The following ARHGAP26 variants were observed in gnomAD, a reference collection of about 807,000 sequenced individuals.
ARHGAP26 encodes the protein Rho GTPase activating protein 26.
In ARHGAP26, 38 loss-of-function variants were observed where a neutral mutation model predicts 104.8. That is an observed-to-expected ratio of 0.36 (90% CI 0.28 to 0.48). The LOEUF is 0.48. Ranked by LOEUF, ARHGAP26 falls within the 20% of genes least tolerant of loss-of-function variation. ARHGAP26 has a pLI of 0.99. For missense variants in ARHGAP26, 704 were observed against 947.9 expected, an observed-to-expected ratio of 0.74 and a Z score of 3.38; for synonymous variants, 341 against 340.0, an observed-to-expected ratio of 1.00 and a Z score of -0.03.
chr5:142,952,458 C>G (rs1768544955), intron 11 of ARHGAP26, among the ~76,000 whole-genome samples: 1 of 152,148 alleles, frequency 6.6e-6, no homozygotes, highest in African/African-American at 2.4e-5. Flanking sequence ...CTCATTCCCC[C>G]TCAACATCCT....
chr5:142,796,764 T>C (rs1375077601), intron 1 of ARHGAP26, among the ~76,000 whole-genome samples: 1 of 152,242 alleles, frequency 6.6e-6, no homozygotes, highest in African/African-American at 2.4e-5. Context: ...TTTGATTTTT[T>C]CTAATGGATA....
intron 11 of ARHGAP26, among the ~76,000 whole-genome samples, chr5:142,954,037 G>T (rs938834260): frequency 6.6e-6 from 1 of 152,164 alleles, no homozygotes; most frequent in Non-Finnish European, 1.5e-5. Flanking sequence ...TATATGGCAC[G>T]CAAGTATGCT....
chr5:143,123,353 AAGG>A (rs1174949772), intron 18 of ARHGAP26, among the ~76,000 whole-genome samples: 1 of 152,262 alleles, frequency 6.6e-6, no homozygotes, highest in Admixed American at 6.5e-5. Context: ...GGTATGAAGT[AAGG>A]AGATGCTCCC....
At chr5:143,192,092 G>A (rs1226667609) in intron 20 of ARHGAP26, among the ~76,000 whole-genome samples, 1 of 152,190 alleles carries the variant, frequency 6.6e-6, no homozygotes, top group African/African-American at 2.4e-5. Context: ...TCAGTTCTAA[G>A]CATTCACAGT....
intron 18 of ARHGAP26, among the ~76,000 whole-genome samples, chr5:143,133,354 G>GGT (rs908202587): frequency 5.3e-5 from 8 of 151,840 alleles, no homozygotes; most frequent in South Asian, 2.1e-4. Flanking sequence ...TACGTGTGTG[G>GGT]GTGTGTGTGT....
chr5:142,821,208 T>C (rs1044934929), intron 1 of ARHGAP26, among the ~76,000 whole-genome samples: 2 of 151,700 alleles, frequency 1.3e-5, no homozygotes, highest in Admixed American at 1.3e-4. Context: ...TACTCACACA[T>C]GGGCCAAAGT....
chr5:142,847,874 C>T (rs1772344028), intron 1 of ARHGAP26, among the ~76,000 whole-genome samples: 2 of 152,180 alleles, frequency 1.3e-5, no homozygotes, highest in African/African-American at 4.8e-5. Flanking sequence ...GTGGAGTGAA[C>T]ATCAGGGAAG....
intron 20 of ARHGAP26, among the ~76,000 whole-genome samples, chr5:143,190,030 G>C (rs994061737): frequency 9.3e-5 from 8 of 85,914 alleles, no homozygotes; most frequent in African/African-American, 6.7e-4. Flanking sequence ...CAGAAGGAGG[G>C]GGGGGAAAAA....
At chr5:143,019,217 A>G (rs1396293169) in intron 12 of ARHGAP26, among the ~76,000 whole-genome samples, 1 of 152,176 alleles carries the variant, frequency 6.6e-6, no homozygotes, top group African/African-American at 2.4e-5. Flanking sequence ...AAGGGGAAAA[A>G]GGGAGTATTG....
At chr5:143,102,784 C>T (rs1186417937) in intron 17 of ARHGAP26, among the ~76,000 whole-genome samples, 4 of 152,236 alleles carry the variant, frequency 2.6e-5, no homozygotes. Context: ...CCTCCTCCTT[C>T]TCCTTATCAT....
At chr5:142,840,382 A>G (rs187568837) in intron 1 of ARHGAP26, among the ~76,000 whole-genome samples, 13 of 152,346 alleles carry the variant, frequency 8.5e-5, no homozygotes, top group Admixed American at 5.2e-4. Context: ...TAGGAAATAA[A>G]TCCTTAGTCT....
intron 11 of ARHGAP26, among the ~76,000 whole-genome samples, chr5:143,012,252 T>C (rs1778855779): frequency 6.6e-6 from 1 of 151,690 alleles, no homozygotes; most frequent in African/African-American, 2.4e-5. Context: ...AATGGGATGA[T>C]TTGTTATATT....
intron 14 of ARHGAP26, among the ~76,000 whole-genome samples, chr5:143,049,571 A>T (rs912863636): frequency 2.3e-4 from 35 of 152,044 alleles, no homozygotes; most frequent in African/African-American, 8.2e-4. Context: ...TGGTCTCTGT[A>T]TTTTTTGCCA....
intron 5 of ARHGAP26, among the ~76,000 whole-genome samples, chr5:142,887,889 A>G (rs1757948812): frequency 6.6e-6 from 1 of 152,038 alleles, no homozygotes; most frequent in Non-Finnish European, 1.5e-5. Flanking sequence ...TACTTGAACC[A>G]GGGAGGCGGA....
intron 17 of ARHGAP26, among the ~76,000 whole-genome samples, chr5:143,117,519 A>G (rs1446005105): frequency 6.6e-6 from 1 of 152,232 alleles, no homozygotes; most frequent in Non-Finnish European, 1.5e-5. Context: ...ATGGTCATTA[A>G]TAATGAAAGG....
At chr5:142,859,076 T>C (rs776861975) in intron 1 of ARHGAP26, among the ~76,000 whole-genome samples, 6 of 151,620 alleles carry the variant, frequency 4.0e-5, no homozygotes, top group Non-Finnish European at 8.8e-5. Context: ...TTATTTTGAG[T>C]GGGGTGGGAA....
intron 20 of ARHGAP26, among the ~76,000 whole-genome samples, chr5:143,161,881 A>G (rs1169801274): frequency 6.6e-6 from 1 of 152,188 alleles, no homozygotes; most frequent in Admixed American, 6.5e-5. Flanking sequence ...TGTTCAGTCT[A>G]TTTTGTTTAC....
chr5:143,219,587 A>G (rs944084623), intron 22 of ARHGAP26, among the ~76,000 whole-genome samples: 7 of 152,216 alleles, frequency 4.6e-5, no homozygotes, highest in Non-Finnish European at 4.4e-5. Flanking sequence ...TTTACAAAGG[A>G]AGTGGGGCTT....
At chr5:142,856,904 C>G (rs1349677623) in intron 1 of ARHGAP26, among the ~76,000 whole-genome samples, 1 of 152,184 alleles carries the variant, frequency 6.6e-6, no homozygotes, top group Non-Finnish European at 1.5e-5. Context: ...GTACCATGAA[C>G]TGGGTGGCAT....
Sources: gnomAD v4.1 joint callset for allele counts (sites outside exome capture counted in the v4.1 genomes callset) on GRCh38, gnomAD v4.1.1 for gene constraint, MANE v1.5 for transcripts, NCBI Gene and HGNC (gene_info 2026-07-23, HGNC 2026-07-21) for gene names.